The following ADH7 variants were observed in gnomAD, a reference collection of about 807,000 sequenced individuals.
ADH7 encodes all-trans-retinol dehydrogenase [NAD(+)] ADH7.
In ADH7, 41 loss-of-function variants were observed where a neutral mutation model predicts 34.4. The ratio of observed to expected loss-of-function variants is 1.19; its 90% confidence interval spans 0.93 to 1.55. The LOEUF is 1.55. ADH7 is among the 40% of genes most tolerant of loss of function. The pLI is 0.00. For missense variants in ADH7, 540 were observed against 461.2 expected, an observed-to-expected ratio of 1.17 and a Z score of -1.56; for synonymous variants, 180 against 160.9, an observed-to-expected ratio of 1.12 and a Z score of -0.90.
At chr4:99,432,439 C>A (rs1721957441) in intron 1 of ADH7, among the ~76,000 whole-genome samples, 1 of 152,018 alleles carries the variant, frequency 6.6e-6, no homozygotes, top group East Asian at 1.9e-4. Flanking sequence ...ATGTAGCAAA[C>A]CTGCACATGT....
Position 99,418,864 on chromosome 4 carries a change from T to G in ADH7, c.961+122A>C, listed in dbSNP as rs990726573. 3.4e-6 allele frequency: 4 copies of G among 1,161,376 alleles called. No homozygotes were observed. The African/African-American group carries it at 6.2e-5, about 18-fold the overall frequency. 71.9% of individuals were successfully genotyped at this position (1,161,376 alleles called of 1,614,324 possible). ...TCTTTTGTGTTATTATGATCACAGT[T>G]CCATTTTAGATCACTTCATACTCAT... is the stretch of plus-strand genomic sequence containing the variant. On this transcript the variant is annotated intron_variant, in intron 7 of 8. Transcript: ENST00000437033.
At chr4:99,421,565 C>G (rs1443422446) in intron 5 of ADH7, among the ~76,000 whole-genome samples, 1 of 152,274 alleles carries the variant, frequency 6.6e-6, no homozygotes, top group Non-Finnish European at 1.5e-5. Flanking sequence ...AAAACCTAGG[C>G]AATACCATTC....
At chr4:99,433,991 G>T (rs1409051921) in intron 1 of ADH7, among the ~76,000 whole-genome samples, 1 of 151,962 alleles carries the variant, frequency 6.6e-6, no homozygotes, top group African/African-American at 2.4e-5. Context: ...CAGAAAGTTG[G>T]GAAATATATA....
chr4:99,414,736 T>C (rs1048794145), intron 8 of ADH7, among the ~76,000 whole-genome samples: 1 of 152,138 alleles, frequency 6.6e-6, no homozygotes, highest in African/African-American at 2.4e-5. Context: ...CATCTAAAAA[T>C]GGTAAAAATA....
intron 5 of ADH7, among the ~76,000 whole-genome samples, chr4:99,424,067 G>A (rs1310137763): frequency 6.6e-6 from 1 of 152,008 alleles, no homozygotes; most frequent in African/African-American, 2.4e-5. Flanking sequence ...AAGGTGTAAG[G>A]AAGGGATCCA....
At chr4:99,420,825 G>C in intron 5 of ADH7, 32 bp from the exon 6 acceptor site, 1 of 1,602,072 alleles carries the variant, frequency 6.2e-7, no homozygotes. Context: ...AACATGTTAG[G>C]TGTTAGGGTC....
In ADH7 at chr4:99,428,577, C is replaced by T. The variant is rs750523485; in HGVS notation, c.174G>A (p.Met58Ile). 1 of 1,613,940 alleles carries T rather than the reference C, an allele frequency of 6.2e-7. No homozygotes were observed. The highest frequency in any genetic ancestry group is 8.5e-7 in the Non-Finnish European group (1 of 1,179,894). ...CCACAATCACTGGAAACTTGGACACCATTGTTCCTTTTATCACATGGTCAT... is the reference window on the plus strand; with the variant it reads ...CCACAATCACTGGAAACTTGGACACTATTGTTCCTTTTATCACATGGTCAT... ...RTDDHVIKGT[M>I]VSKFPVIVGH... Residue 58 changes from methionine to isoleucine, a missense_variant, in exon 3 of 9, where the codon ATG (methionine) becomes ATA (isoleucine). Physicochemically the swap from Met to Ile is conservative, Grantham distance 10. Transcript: ENST00000437033.
intron 1 of ADH7, among the ~76,000 whole-genome samples, chr4:99,430,479 T>C (rs1332411815): frequency 6.6e-6 from 1 of 152,334 alleles, no homozygotes; most frequent in South Asian, 2.1e-4. Flanking sequence ...CCAATCTGTC[T>C]AGGACTCCTA....
At position 99,435,305 on chromosome 4, in the gene ADH7, G is replaced by A. The variant is rs756453278; in HGVS notation, c.-72C>T. ...TGACTGATGCTCAGTTCACTCTGTT[G>A]TATATAACAGCAGCTTGTGCCTTCA... On this transcript the variant is annotated 5_prime_UTR_variant, in exon 1 of 9. Coordinates refer to ENST00000437033, the MANE Select transcript of ADH7 (RefSeq NM_000673.7). 1.9e-5 allele frequency: 30 copies of A among 1,599,686 alleles called. No homozygotes were observed. The highest frequency in any genetic ancestry group is 1.3e-5 in the African/African-American group (1 of 74,700).
intron 5 of ADH7, among the ~76,000 whole-genome samples, chr4:99,426,397 A>C (rs1416921061): frequency 6.6e-6 from 1 of 152,242 alleles, no homozygotes; most frequent in Non-Finnish European, 1.5e-5. Flanking sequence ...AATCCCACAG[A>C]AATACAAACT....
intron 5 of ADH7, among the ~76,000 whole-genome samples, chr4:99,423,753 A>AAG (rs1721728941): frequency 6.6e-6 from 1 of 151,818 alleles, no homozygotes; most frequent in Non-Finnish European, 1.5e-5. Flanking sequence ...AATTTGTTTG[A>AAG]GTTCATTGTA....
intron 8 of ADH7, among the ~76,000 whole-genome samples, chr4:99,414,134 T>G (rs779283740): frequency 1.2e-4 from 18 of 152,266 alleles, no homozygotes; most frequent in Non-Finnish European, 2.5e-4. Context: ...GTAATTATTT[T>G]CCAAGCAGGC....
At chr4:99,425,343 C>G (rs903479251) in intron 5 of ADH7, among the ~76,000 whole-genome samples, 4 of 151,590 alleles carry the variant, frequency 2.6e-5, no homozygotes, top group Non-Finnish European at 5.9e-5. Flanking sequence ...CACATAGGCT[C>G]AAAATAAAAG....
At chr4:99,413,394 C>T (rs1164075825) in intron 8 of ADH7, among the ~76,000 whole-genome samples, 1 of 152,058 alleles carries the variant, frequency 6.6e-6, no homozygotes. Flanking sequence ...TTCAGTATGC[C>T]AACAAGAGGG....
At chr4:99,423,945 T>A (rs2110137025) in intron 5 of ADH7, among the ~76,000 whole-genome samples, 1 of 152,032 alleles carries the variant, frequency 6.6e-6, no homozygotes, top group East Asian at 1.9e-4. Flanking sequence ...AGACATGAAG[T>A]CCTTGCCCAT....
At chr4:99,433,773 A>G (rs1011067905) in intron 1 of ADH7, among the ~76,000 whole-genome samples, 1 of 152,222 alleles carries the variant, frequency 6.6e-6, no homozygotes, top group African/African-American at 2.4e-5. Flanking sequence ...TGACACCTTA[A>G]TCTCAGAATT....
chr4:99,428,734 C>T, intron 2 of ADH7, 104 bp from the exon 3 acceptor site: 1 of 1,402,792 alleles, frequency 7.1e-7, no homozygotes, highest in Non-Finnish European at 9.6e-7. Flanking sequence ...TAATCAATAT[C>T]TTTGCCTAAT....
chr4:99,432,041 C>G (rs1217016371), intron 1 of ADH7, among the ~76,000 whole-genome samples: 1 of 152,058 alleles, frequency 6.6e-6, no homozygotes, highest in Non-Finnish European at 1.5e-5. Context: ...GCACTATTCA[C>G]AATAGCAAAG....
chr4:99,434,921 T>C (rs1722012780), intron 1 of ADH7: 3 of 1,006,134 alleles, frequency 3.0e-6, no homozygotes, highest in African/African-American at 1.6e-5. Context: ...CCTGGAGCAA[T>C]TGCCCAGCTA....
Sources: allele counts gnomAD v4.1 joint callset (sites outside exome capture counted in the v4.1 genomes callset), GRCh38; gene constraint gnomAD v4.1.1; transcripts MANE v1.5; gene names NCBI Gene and HGNC (gene_info 2026-07-23, HGNC 2026-07-21).